ADGRF1: variants seen among roughly 807,000 people sequenced by gnomAD.
The protein encoded by ADGRF1 is G protein-coupled receptor 110.
A neutral mutation model predicts 87.2 loss-of-function variants in ADGRF1; 85 were observed. The ratio of observed to expected loss-of-function variants is 0.97; its 90% confidence interval spans 0.82 to 1.17. The LOEUF is 1.17. Ranked by LOEUF, ADGRF1 falls within the 50% of genes most tolerant of loss-of-function variation. ADGRF1 has a pLI of 0.00. For missense variants in ADGRF1, 1,169 were observed against 1,077.2 expected (o/e 1.09, Z -1.19); for synonymous variants, 430 against 408.8 (o/e 1.05, Z -0.63).
chr6:47,001,119 G>A (rs1003795994), intron 14 of ADGRF1, among the ~76,000 whole-genome samples: 3 of 152,224 alleles, frequency 2.0e-5, no homozygotes, highest in Non-Finnish European at 4.4e-5. Context: ...CAAGCACCTG[G>A]CCGCGTGCCC....
intron 8 of ADGRF1, among the ~76,000 whole-genome samples, chr6:47,016,145 A>T (rs1038225552): frequency 1.3e-5 from 2 of 152,214 alleles, no homozygotes; most frequent in Non-Finnish European, 1.5e-5. Context: ...AGAGAGTGGT[A>T]CAAATTTTGG....
At chr6:47,024,428 C>T (rs552904871) in intron 4 of ADGRF1, 20 of 441,178 alleles carry the variant, frequency 4.5e-5, no homozygotes, top group African/African-American at 3.0e-4. Flanking sequence ...GAATCTTGTG[C>T]GTCAGCCACC....
At chr6:47,018,607 G>A in intron 7 of ADGRF1, 2 of 1,288,738 alleles carry the variant, frequency 1.6e-6, no homozygotes, top group Admixed American at 2.3e-5. Flanking sequence ...AGTAAATAGA[G>A]TGAGAGATTA....
At chr6:47,014,939 A>G in intron 8 of ADGRF1, 95 bp from the exon 9 acceptor site, 1 of 1,388,890 alleles carries the variant, frequency 7.2e-7, no homozygotes, top group Non-Finnish European at 9.4e-7. Context: ...TTTAGAACTC[A>G]TTTTTGGAGA....
intron 1 of ADGRF1, among the ~76,000 whole-genome samples, chr6:47,037,836 G>T (rs1193199465): frequency 6.6e-6 from 1 of 151,942 alleles, no homozygotes; most frequent in Non-Finnish European, 1.5e-5. Flanking sequence ...TAAACTTAGG[G>T]TTGTGTGAAG....
chr6:47,019,743 T>A (rs1779988688), intron 7 of ADGRF1: 1 of 983,048 alleles, frequency 1.0e-6, no homozygotes, highest in Non-Finnish European at 1.2e-6. Flanking sequence ...TGTTTTTAAG[T>A]TAACTGTGAA....
At chr6:47,001,797 ATAAC>A in intron 13 of ADGRF1, 1 of 418,420 alleles carries the variant, frequency 2.4e-6, no homozygotes, top group Non-Finnish European at 4.3e-6. Context: ...GTGTATTTTT[ATAAC>A]TTCTAACAAC....
At position 47,010,067 on chromosome 6, in the gene ADGRF1, T is replaced by A; in HGVS notation, c.1368A>T (p.Thr456=). 6.2e-7 allele frequency: 1 copy of A among 1,614,132 alleles called. No homozygotes were observed. The highest frequency in any genetic ancestry group is 8.5e-7 in the Non-Finnish European group (1 of 1,180,020). Residue 456 remains threonine, a synonymous_variant, in exon 11 of 15, where the codon ACA becomes ACT. Transcript: ENST00000371253. ...ACACACGGCCTCTGATGGGAATAGA[T>A]GTATTTTGGGGACACATTTTAATCT... ...SYQIKMCPQN[T]SIPIRGRVLI...
At chr6:47,006,883 C>T (rs1779548463) in intron 12 of ADGRF1, among the ~76,000 whole-genome samples, 1 of 152,152 alleles carries the variant, frequency 6.6e-6, no homozygotes, top group African/African-American at 2.4e-5. Context: ...ATATATATTT[C>T]AGCATATTCT....
chr6:47,018,301 A>T (rs1779940146), intron 7 of ADGRF1: 2 of 917,420 alleles, frequency 2.2e-6, no homozygotes, highest in African/African-American at 1.7e-5. Flanking sequence ...TGAGATAAGC[A>T]GTGTATCATT....
At chr6:47,007,347 A>C in intron 11 of ADGRF1, 53 bp from the exon 12 acceptor site, 2 of 1,154,904 alleles carry the variant, frequency 1.7e-6, no homozygotes, top group South Asian at 1.3e-5. Context: ...TTTCCAAAAA[A>C]GAAAGCATTT....
intron 1 of ADGRF1, among the ~76,000 whole-genome samples, chr6:47,037,694 G>T (rs1780628012): frequency 6.6e-6 from 1 of 151,956 alleles, no homozygotes; most frequent in Non-Finnish European, 1.5e-5. Context: ...TTATTTTTTT[G>T]CAGAGACATG....
At chr6:47,013,125 C>T (rs1484767220) in intron 9 of ADGRF1, 1 of 985,280 alleles carries the variant, frequency 1.0e-6, no homozygotes, top group Non-Finnish European at 1.2e-6. Context: ...TTTACTACAC[C>T]AGGCTAACTT....
rs572066045 is a variant in ADGRF1 at position 47,029,097 on chromosome 6, G to C, written c.-36C>G. 4.5e-6 allele frequency: 7 copies of C among 1,554,096 alleles called. No homozygotes were observed. In the South Asian group the frequency reaches 6.7e-5, roughly 15 times the overall value. ...CTGAACAGCAGCAGTCGGGTGCATA[G>C]TCTGTGACTAAACAAGCAGGGTACC... On this transcript the variant is annotated 5_prime_UTR_variant, in exon 2 of 15. Transcript: ENST00000371253.
chr6:47,010,445 T>A, intron 10 of ADGRF1, 127 bp from the exon 11 acceptor site: 1 of 788,204 alleles, frequency 1.3e-6, no homozygotes, highest in Non-Finnish European at 2.0e-6. Context: ...CGAACCACAT[T>A]AAAACTCATC....
In ADGRF1 at chr6:47,005,872, C is replaced by A. The variant is rs764410144; in HGVS notation, c.2537G>T (p.Arg846Leu). 3.6e-5 allele frequency: 58 copies of A among 1,610,166 alleles called. No homozygotes were observed. The East Asian group carries it at 1.3e-3, about 35-fold the overall frequency. The change falls in exon 13 of 15, where the codon CGA becomes CTA. Residue 846 changes from arginine (R) to leucine (L), a missense_variant. Arg to Leu is a moderately radical substitution (Grantham distance 102). Coordinates refer to ENST00000371253, the MANE Select transcript of ADGRF1 (RefSeq NM_153840.4). ...CFGILLDSKL[R>L]QLLFNKLSAL... ...AGACAACTTGTTGAACAGAAGTTGT[C>A]GCAGCTATAAGGGCAACAAAGAAAT... is the stretch of plus-strand genomic sequence containing the variant.
rs771305430 is a variant in ADGRF1 at position 47,009,072 on chromosome 6, C to G, written c.2363G>C (p.Arg788Pro). 20 of 1,613,960 alleles carry G rather than the reference C, an allele frequency of 1.2e-5. No homozygotes were observed. The highest frequency in any genetic ancestry group is 1.7e-5 in the Non-Finnish European group (20 of 1,180,026). ...CAGAATGAGGAGGCTCTTCCCCACG[C>G]GGATGATGGTGGCCTTGTCATCCCG... ...LSRDDKATIIRVGKSLLILTP... is the reference protein window; with the variant it reads ...LSRDDKATIIPVGKSLLILTP... Residue 788 changes from arginine to proline, a missense_variant, in exon 11 of 15, where the codon CGC becomes CCC. Physicochemically the swap from Arg to Pro is moderately radical, Grantham distance 103. Transcript: ENST00000371253.
chr6:47,015,415 AT>A lies in ADGRF1; in HGVS notation c.764-572del, dbSNP rs574535696. ...AACTGGAAGATCCACAAGGGCTATG[AT>A]TTTTTTTTTTTCAGATGGGGTTGCA... On this transcript the variant is annotated intron_variant, in intron 8 of 14. Coordinates refer to ENST00000371253, the MANE Select transcript of ADGRF1 (RefSeq NM_153840.4). 4.3e-3 allele frequency among the ~76,000 whole-genome samples: 620 copies of A among 145,682 alleles called. 6 individuals carry two copies. In the East Asian group the frequency reaches 0.05, roughly 12 times the overall value.
chr6:47,041,228 G>A (rs1182116221), intron 1 of ADGRF1, among the ~76,000 whole-genome samples: 2 of 152,344 alleles, frequency 1.3e-5, no homozygotes, highest in African/African-American at 4.8e-5. Flanking sequence ...GTTAGATAAT[G>A]AGTGGTGTTT....
Sources: gnomAD v4.1 joint callset for allele counts (sites outside exome capture counted in the v4.1 genomes callset) on GRCh38, gnomAD v4.1.1 for gene constraint, MANE v1.5 for transcripts, NCBI Gene and HGNC (gene_info 2026-07-23, HGNC 2026-07-21) for gene names.